Variants in CDH10 observed in about 807,000 individuals in gnomAD.
CDH10 encodes cadherin-10.
Under a neutral mutation model 73.1 loss-of-function variants are expected in CDH10, and 30 were observed. That is an observed-to-expected ratio of 0.41 (90% CI 0.31 to 0.56). The LOEUF is 0.56. CDH10 is among the 20% of genes least tolerant of loss of function. CDH10 has a pLI of 0.27. For missense variants in CDH10, 815 were observed against 973.7 expected (o/e 0.84, Z 2.17); for synonymous variants, 345 against 348.2 (o/e 0.99, Z 0.10).
chr5:24,528,874 C>G (rs1036138415), intron 5 of CDH10, among the ~76,000 whole-genome samples: 2 of 151,920 alleles, frequency 1.3e-5, no homozygotes, highest in African/African-American at 2.4e-5. Context: ...GGATCCGCAA[C>G]CTGCTTCTTA....
At chr5:24,642,176 TG>T (rs1748075327) in intron 1 of CDH10, among the ~76,000 whole-genome samples, 1 of 152,132 alleles carries the variant, frequency 6.6e-6, no homozygotes. Context: ...ACTTTGCTGC[TG>T]ATTCAGCATC....
At chr5:24,641,271 G>A (rs1748041620) in intron 1 of CDH10, among the ~76,000 whole-genome samples, 1 of 151,914 alleles carries the variant, frequency 6.6e-6, no homozygotes, top group Admixed American at 6.6e-5. Flanking sequence ...AGGCGACCCA[G>A]AGCTGATATT....
At position 24,644,756 on chromosome 5, in the gene CDH10, G is replaced by C. The variant is rs1748161626; in HGVS notation, c.-286C>G. ...TTTCTCAGCATCACTTTTAACTCTG[G>C]ACAGCAGGGAACCGAAGAAAACGGG... On this transcript the variant is annotated 5_prime_UTR_variant, in exon 1 of 12. Transcript: ENST00000264463. The C allele has an allele frequency of 6.6e-6, 1 of 150,722 alleles. No individual in the cohort carries two copies. Among genetic ancestry groups the C allele is most frequent in the Middle Eastern group, 3.4e-3 (1 of 290 alleles). 9.3% of individuals were successfully genotyped at this position (150,722 alleles called of 1,614,324 possible). A position where few individuals can be genotyped will look rare whatever the true frequency, so the allele number is the denominator to read the frequency against.
intron 5 of CDH10, among the ~76,000 whole-genome samples, chr5:24,518,884 CTTTTTTTTTT>C (rs36019861): frequency 1.3e-5 from 1 of 77,432 alleles, no homozygotes; most frequent in Non-Finnish European, 2.3e-5. Flanking sequence ...GACATGTGCA[CTTTTTTTTTT>C]TTTTTTTTTT....
chr5:24,561,373 T>C (rs138420801), intron 2 of CDH10, among the ~76,000 whole-genome samples: 136 of 152,234 alleles, frequency 8.9e-4, no homozygotes, highest in African/African-American at 3.2e-3. Flanking sequence ...AATAATTATA[T>C]GAGAAAATTG....
At chr5:24,621,423 C>T (rs1381574335) in intron 1 of CDH10, among the ~76,000 whole-genome samples, 1 of 152,126 alleles carries the variant, frequency 6.6e-6, no homozygotes, top group African/African-American at 2.4e-5. Context: ...CAGACAAGTA[C>T]AATAAATAAG....
At chr5:24,628,217 T>C (rs753986955) in intron 1 of CDH10, among the ~76,000 whole-genome samples, 10 of 152,182 alleles carry the variant, frequency 6.6e-5, no homozygotes, top group Non-Finnish European at 1.5e-4. Context: ...TGAACATCAG[T>C]AGTTTTAGCG....
intron 1 of CDH10, among the ~76,000 whole-genome samples, chr5:24,614,702 A>G (rs557446392): frequency 3.3e-5 from 5 of 152,264 alleles, no homozygotes; most frequent in African/African-American, 9.6e-5. Context: ...CGTCCTCATG[A>G]CTGCAATAAT....
rs76763245 is a variant in CDH10, at chr5:24,496,679, C to T, written c.1515+1719G>A. ...GGAGTGTTGGGTGGACTGAGATATA[C>T]CTTAAGTAACTAAAGCACACCTAGG... On this transcript the variant is annotated intron_variant, in intron 9 of 11. Transcript: ENST00000264463. 2.9e-3 allele frequency among the ~76,000 whole-genome samples: 448 copies of T among 152,198 alleles called. 5 individuals are homozygous for T. Among genetic ancestry groups the T allele is most frequent in the African/African-American group, 0.01 (427 of 41,530 alleles).
At chr5:24,544,186 T>A (rs986057027) in intron 2 of CDH10, among the ~76,000 whole-genome samples, 1 of 151,792 alleles carries the variant, frequency 6.6e-6, no homozygotes, top group African/African-American at 2.4e-5. Flanking sequence ...CCCAGCTACG[T>A]GGGAGGTTAA....
At chr5:24,493,036 T>C (rs1273247017) in intron 9 of CDH10, 111 bp from the exon 10 acceptor site, 1 of 621,530 alleles carries the variant, frequency 1.6e-6, no homozygotes, top group East Asian at 2.6e-5. Flanking sequence ...GACTTTTATT[T>C]CATGTGAATG....
Position 24,511,534 on chromosome 5 carries a change from GAAGA to G in CDH10, c.815-24_815-21del, listed in dbSNP as rs772649076. On this transcript the variant is annotated intron_variant, in intron 5 of 11. Transcript: ENST00000264463. ...TAGTGTCTGTAAAGTATAAAGAAAAGAAGAGAGAGACAGAGAGAGAGAGAGAGAG... is the reference window on the plus strand; with the variant it reads ...TAGTGTCTGTAAAGTATAAAGAAAAGGAGAGACAGAGAGAGAGAGAGAGAG... 2,403 of 712,114 alleles carry G rather than the reference GAAGA, an allele frequency of 3.4e-3. 23 individuals carry two copies. The highest frequency in any genetic ancestry group is 0.021 in the South Asian group (1,106 of 53,254). The allele number at this position is 712,114 out of a possible 1,614,324, so 44.1% of individuals were successfully genotyped here.
intron 5 of CDH10, among the ~76,000 whole-genome samples, chr5:24,530,576 A>C (rs1260973639): frequency 6.6e-6 from 1 of 152,088 alleles, no homozygotes; most frequent in Non-Finnish European, 1.5e-5. Flanking sequence ...AACACTAGCA[A>C]AATGAAACAG....
chr5:24,519,129 G>A (rs1743218931), intron 5 of CDH10, among the ~76,000 whole-genome samples: 8 of 151,870 alleles, frequency 5.3e-5, no homozygotes. Flanking sequence ...GGCCTCAAGA[G>A]ATCCACCTGC....
At chr5:24,620,844 A>C (rs2112167773) in intron 1 of CDH10, among the ~76,000 whole-genome samples, 1 of 152,296 alleles carries the variant, frequency 6.6e-6, no homozygotes, top group South Asian at 2.1e-4. Context: ...AAATAAACAA[A>C]TCCCATAAAG....
intron 2 of CDH10, among the ~76,000 whole-genome samples, chr5:24,562,619 T>C (rs969535335): frequency 1.3e-5 from 2 of 149,242 alleles, no homozygotes; most frequent in African/African-American, 4.8e-5. Flanking sequence ...GATTGTCTAT[T>C]TATTCTACAA....
chr5:24,531,796 A>C (rs944887591), intron 5 of CDH10, among the ~76,000 whole-genome samples: 5 of 152,070 alleles, frequency 3.3e-5, no homozygotes, highest in African/African-American at 1.2e-4. Flanking sequence ...TATTTGGTGC[A>C]AGGGTGATCT....
At chr5:24,594,059 A>G (rs1459070063) in intron 1 of CDH10, among the ~76,000 whole-genome samples, 1 of 151,916 alleles carries the variant, frequency 6.6e-6, no homozygotes, top group African/African-American at 2.4e-5. Flanking sequence ...CAGCAGCATC[A>G]TTTCTTCAAA....
At chr5:24,522,988 T>G (rs929474337) in intron 5 of CDH10, among the ~76,000 whole-genome samples, 3 of 152,016 alleles carry the variant, frequency 2.0e-5, no homozygotes, top group African/African-American at 7.2e-5. Flanking sequence ...AGAAGGAGGT[T>G]GACAATGGTG....
Sources: gnomAD v4.1 joint callset for allele counts (sites outside exome capture counted in the v4.1 genomes callset) on GRCh38, gnomAD v4.1.1 for gene constraint, MANE v1.5 for transcripts, NCBI Gene and HGNC (gene_info 2026-07-23, HGNC 2026-07-21) for gene names.